NIPAL3: variants seen among roughly 807,000 people sequenced by gnomAD.
NIPAL3 encodes the protein NIPA like domain containing 3.
Under a neutral mutation model 47.2 loss-of-function variants are expected in NIPAL3, and 41 were observed. The ratio of observed to expected loss-of-function variants is 0.87; its 90% CI spans 0.68 to 1.13. NIPAL3 has a LOEUF of 1.13. NIPAL3 is among the 50% of genes most tolerant of loss of function. The probability of loss-of-function intolerance (pLI) is 0.00; values close to 1 mark genes in which losing one functional copy is unlikely to be tolerated. For missense variants in NIPAL3, 449 were observed against 530.1 expected (o/e 0.85, Z 1.50); for synonymous variants, 194 against 209.6 (o/e 0.93, Z 0.64).
At chr1:24,426,457 G>T (rs1267276121) in intron 2 of NIPAL3, among the ~76,000 whole-genome samples, 1 of 152,102 alleles carries the variant, frequency 6.6e-6, no homozygotes, top group African/African-American at 2.4e-5. Flanking sequence ...ACCACCTCCA[G>T]CTAATTTTTG....
intron 2 of NIPAL3, 64 bp from the exon 3 acceptor site, chr1:24,440,108 A>G: frequency 1.7e-6 from 2 of 1,189,972 alleles, no homozygotes; most frequent in Non-Finnish European, 2.3e-6. Context: ...TGAGTGTCAG[A>G]AGTGTCCTGG....
Position 24,449,488 on chromosome 1 carries a change from C to A in NIPAL3, c.402C>A (p.Tyr134Ter). 6.2e-7 allele frequency: 1 copy of A among 1,613,410 alleles called. No homozygotes were observed. ...AGCCTCTCTTCCCCGCAGGGCGCTA[C>A]GTCTTGTCCTTTGTTGGCTGCGGTT... ...KWKPKDFLRR[Y>*]VLSFVGCGLA... Residue 134 changes from tyrosine (Y) to a stop codon, truncating the protein, a stop_gained, in exon 6 of 12, where the codon TAC becomes TAA. Transcript: ENST00000374399. LOFTEE classifies it high-confidence loss of function. The surrounding 1 kb of genome is among the most constrained non-coding windows in gnomAD (Gnocchi z 4.5).
At chr1:24,456,067 G>T in intron 7 of NIPAL3, 71 bp from the exon 8 acceptor site, 1 of 1,585,468 alleles carries the variant, frequency 6.3e-7, no homozygotes, top group Non-Finnish European at 8.6e-7. Context: ...TGGGGTTATA[G>T]ACTGGCTTTC....
intron 8 of NIPAL3, among the ~76,000 whole-genome samples, 198 bp from the exon 9 acceptor site, chr1:24,458,690 G>A (rs76386073): frequency 6.6e-6 from 1 of 152,098 alleles, no homozygotes; most frequent in African/African-American, 2.4e-5. Flanking sequence ...TGTGTGTCTA[G>A]GGGAAGAGTG....
At chr1:24,463,130 G>A (rs1473661851) in intron 10 of NIPAL3, among the ~76,000 whole-genome samples, 1 of 152,156 alleles carries the variant, frequency 6.6e-6, no homozygotes, top group African/African-American at 2.4e-5. Context: ...GGAGGTTGCA[G>A]TGAGCCGAGA....
intron 2 of NIPAL3, among the ~76,000 whole-genome samples, chr1:24,436,754 C>T (rs1358438916): frequency 6.6e-6 from 1 of 152,028 alleles, no homozygotes; most frequent in Non-Finnish European, 1.5e-5. Context: ...CCGCCTTGGC[C>T]TCCCAAACTG....
At chr1:24,463,431 T>C (rs552759098) in intron 10 of NIPAL3, among the ~76,000 whole-genome samples, 21 of 152,162 alleles carry the variant, frequency 1.4e-4, no homozygotes, top group Non-Finnish European at 3.1e-4. Context: ...CTTGAACTGG[T>C]TGATGATTCC....
chr1:24,441,623 A>G (rs1453583570), intron 3 of NIPAL3, among the ~76,000 whole-genome samples: 1 of 152,138 alleles, frequency 6.6e-6, no homozygotes, highest in Non-Finnish European at 1.5e-5. Context: ...ACACACAGTC[A>G]TCCAAACGTG....
intron 11 of NIPAL3, 98 bp downstream of exon 11, chr1:24,464,218 A>G (rs1646602940): frequency 2.4e-6 from 2 of 835,088 alleles, no homozygotes; most frequent in Admixed American, 2.9e-5. Flanking sequence ...CTGTGCCTTT[A>G]TCGTGTGACT....
intron 7 of NIPAL3, among the ~76,000 whole-genome samples, chr1:24,453,758 G>A (rs1646054889): frequency 6.6e-6 from 1 of 152,128 alleles, no homozygotes; most frequent in Non-Finnish European, 1.5e-5. Flanking sequence ...GGTCATGTAA[G>A]TTTGGGCAAT....
Position 24,416,054 on chromosome 1 carries a change from A to T in NIPAL3, c.-258+150A>T. ...GCCAACCTGGGTCCCGTTGCCTTGG[A>T]ATGTTCTTTCCAGTTTTGCATCGAG... On this transcript the variant is annotated intron_variant, in intron 1 of 11. Coordinates refer to ENST00000374399, the MANE Select transcript of NIPAL3 (RefSeq NM_020448.5). This position sits in a 1 kb window ranked among gnomAD's most constrained non-coding sequence, Gnocchi z 4.8. 1.0e-6 allele frequency: 1 copy of T among 985,496 alleles called. No homozygotes were observed. The allele number at this position is 985,496 out of a possible 1,614,324, so 61.0% of individuals were successfully genotyped here. A position where few individuals can be genotyped will look rare whatever the true frequency, so the allele number is the denominator to read the frequency against.
At chr1:24,441,502 T>C (rs1645380216) in intron 3 of NIPAL3, among the ~76,000 whole-genome samples, 1 of 152,116 alleles carries the variant, frequency 6.6e-6, no homozygotes, top group Non-Finnish European at 1.5e-5. Context: ...CAAAAAAGAA[T>C]ATTGACCATG....
In NIPAL3 at chr1:24,460,511, A is replaced by G; in HGVS notation, c.893A>G (p.Glu298Gly). The G allele has an allele frequency of 1.3e-6, 2 of 1,586,042 alleles. No homozygotes were observed. The highest frequency in any genetic ancestry group is 1.7e-6 in the Non-Finnish European group (2 of 1,169,190). ...GAIFYLDFIG[E>G]DVLHICMFAL... ...ATATTTTACCTGGACTTCATCGGGG[A>G]GGACGTGCTGCACATCTGCATGTTT... Residue 298 changes from glutamate (E) to glycine (G), a missense_variant, in exon 10 of 12, where the codon GAG becomes GGG. Glu to Gly is a moderately conservative substitution (Grantham distance 98). Coordinates refer to ENST00000374399, the MANE Select transcript of NIPAL3 (RefSeq NM_020448.5).
At chr1:24,428,258 A>AGAG (rs1644698366) in intron 2 of NIPAL3, among the ~76,000 whole-genome samples, 10 of 119,476 alleles carry the variant, frequency 8.4e-5, no homozygotes, top group East Asian at 2.6e-4. Context: ...CTCAAAAAGA[A>AGAG]AGAGAGAGAG....
chr1:24,463,198 C>CA (rs1240490977), intron 10 of NIPAL3, among the ~76,000 whole-genome samples: 1 of 151,050 alleles, frequency 6.6e-6, no homozygotes, highest in African/African-American at 2.4e-5. Context: ...AAAAAAAAAT[C>CA]AAAAAAATAA....
intron 10 of NIPAL3, among the ~76,000 whole-genome samples, chr1:24,463,363 G>A (rs193292643): frequency 1.2e-3 from 180 of 152,300 alleles, no homozygotes; most frequent in African/African-American, 3.7e-3. Context: ...GGAAGGGCTG[G>A]CATGAAATGG....
chr1:24,437,169 G>A (rs575415526), intron 2 of NIPAL3, among the ~76,000 whole-genome samples: 11 of 152,134 alleles, frequency 7.2e-5, no homozygotes, highest in African/African-American at 2.4e-4. Flanking sequence ...GGAGAATGGC[G>A]TGAACCCGGG....
chr1:24,465,967 C>A, intron 11 of NIPAL3: 1 of 1,585,912 alleles, frequency 6.3e-7, no homozygotes, highest in South Asian at 1.2e-5. Context: ...CTTGGTTTCC[C>A]TGGTCAGCAT....
In NIPAL3 at chr1:24,460,399, A is replaced by T. The variant is rs927931710; in HGVS notation, c.863-82A>T. 21 of 1,130,680 alleles carry T rather than the reference A, an allele frequency of 1.9e-5. No homozygotes were observed. In the African/African-American group the frequency reaches 3.2e-4, roughly 17 times the overall value. 70.0% of individuals were successfully genotyped at this position (1,130,680 alleles called of 1,614,324 possible). On this transcript the variant is annotated intron_variant, in intron 9 of 11. Transcript: ENST00000374399. The stretch of plus-strand genomic sequence containing the variant: ...CATTTTAGTTTCCTAAATGGAAGAG[A>T]GCTTAGCCAAATCCTAGACAGACTG...
Sources: allele counts gnomAD v4.1 joint callset (sites outside exome capture counted in the v4.1 genomes callset), GRCh38; gene constraint gnomAD v4.1.1; non-coding constraint Gnocchi (gnomAD v3.1); transcripts MANE v1.5; gene names NCBI Gene and HGNC (gene_info 2026-07-23, HGNC 2026-07-21).